The following ARHGAP6 variants were observed in gnomAD, a reference collection of about 807,000 sequenced individuals.
The protein encoded by ARHGAP6 is Rho GTPase activating protein 6, also known as rho GTPase-activating protein 6.
Under a neutral mutation model 55.7 loss-of-function variants are expected in ARHGAP6, and 16 were observed. The ratio of observed to expected loss-of-function variants is 0.29; its 90% confidence interval spans 0.19 to 0.44. The LOEUF (loss-of-function observed/expected upper bound fraction) is 0.44. ARHGAP6 is among the 20% of genes least tolerant of loss of function. The pLI is 1.00. For synonymous variants in ARHGAP6, 382 were observed against 360.9 expected, an observed-to-expected ratio of 1.06 and a Z score of -0.66; for missense variants, 698 against 808.9, an observed-to-expected ratio of 0.86 and a Z score of 1.66.
chrX:11,516,868 C>T (rs955042634), intron 1 of ARHGAP6, among the ~76,000 whole-genome samples: 1 of 111,753 alleles, frequency 8.9e-6, no homozygotes, highest in Admixed American at 9.6e-5. Context: ...TCTGTCATCT[C>T]CACACTTCCT....
At chrX:11,175,068 CT>C (rs2046193517) in intron 8 of ARHGAP6, among the ~76,000 whole-genome samples, 1 of 111,490 alleles carries the variant, frequency 9.0e-6, no homozygotes, top group East Asian at 2.8e-4. Context: ...CAAAAGCCTC[CT>C]AACTCACTCT....
chrX:11,582,963 A>G (rs1470265717), intron 1 of ARHGAP6, among the ~76,000 whole-genome samples: 1 of 112,268 alleles, frequency 8.9e-6, no homozygotes, highest in East Asian at 2.8e-4. Flanking sequence ...GAAACAAAAA[A>G]TAAATCATAG....
chrX:11,290,875 G>A (rs1319512630), intron 1 of ARHGAP6, among the ~76,000 whole-genome samples: 1 of 111,823 alleles, frequency 8.9e-6, no homozygotes. Context: ...GCCCTCCCAG[G>A]CCAGCCCCAC....
intron 1 of ARHGAP6, among the ~76,000 whole-genome samples, chrX:11,638,266 G>A (rs1489766115): frequency 8.9e-6 from 1 of 112,014 alleles, no homozygotes. Context: ...AAAGAACAAG[G>A]GTAACGCTGA....
chrX:11,584,420 C>G (rs750969648), intron 1 of ARHGAP6, among the ~76,000 whole-genome samples: 1 of 111,654 alleles, frequency 9.0e-6, no homozygotes, highest in Non-Finnish European at 1.9e-5. Context: ...TGTTTGATTA[C>G]TCAGATCTAA....
At chrX:11,153,483 C>T (rs1482882731) in intron 10 of ARHGAP6, among the ~76,000 whole-genome samples, 1 of 97,932 alleles carries the variant, frequency 1.0e-5, no homozygotes, top group Non-Finnish European at 2.0e-5. Context: ...CGAGATTGTG[C>T]CACTGTACTC....
intron 1 of ARHGAP6, among the ~76,000 whole-genome samples, chrX:11,563,906 T>C (rs1174126371): frequency 9.0e-6 from 1 of 111,728 alleles, no homozygotes; most frequent in East Asian, 2.8e-4. Flanking sequence ...CCGAGTATTC[T>C]TAGTTTTGAC....
At chrX:11,322,956 C>T (rs1159097448) in intron 1 of ARHGAP6, among the ~76,000 whole-genome samples, 1 of 112,140 alleles carries the variant, frequency 8.9e-6, no homozygotes, top group Admixed American at 9.5e-5. Flanking sequence ...GGAAAACAAT[C>T]TGTTTCTGCT....
At chrX:11,547,632 C>A (rs945793812) in intron 1 of ARHGAP6, among the ~76,000 whole-genome samples, 4 of 111,812 alleles carry the variant, frequency 3.6e-5, no homozygotes, top group African/African-American at 1.3e-4. Context: ...ATTTCTATTT[C>A]TGTGCTCCTC....
chrX:11,460,687 G>C (rs1024184488), intron 1 of ARHGAP6, among the ~76,000 whole-genome samples: 3 of 111,774 alleles, frequency 2.7e-5, no homozygotes, highest in African/African-American at 9.8e-5. Context: ...TCCCTTGGTT[G>C]GACCTAATTA....
intron 2 of ARHGAP6, among the ~76,000 whole-genome samples, chrX:11,248,809 A>C (rs751369888): frequency 2.9e-4 from 32 of 112,024 alleles, no homozygotes; most frequent in Non-Finnish European, 5.5e-4. Context: ...ACACTTCTAC[A>C]CTGCTGGTGG....
At chrX:11,275,593 A>C (rs938212105) in intron 1 of ARHGAP6, among the ~76,000 whole-genome samples, 1 of 111,577 alleles carries the variant, frequency 9.0e-6, no homozygotes, top group African/African-American at 3.3e-5. Flanking sequence ...CTCTCCCTAC[A>C]AAGCAAAACT....
chrX:11,505,852 A>G (rs144095264), intron 1 of ARHGAP6, among the ~76,000 whole-genome samples: 2,663 of 111,136 alleles, frequency 0.024, 32 homozygotes, highest in Middle Eastern at 0.046. Flanking sequence ...AAATGATGAG[A>G]ACTCATGGAG....
chrX:11,250,082 T>C (rs1258022433), intron 2 of ARHGAP6, among the ~76,000 whole-genome samples: 1 of 112,196 alleles, frequency 8.9e-6, no homozygotes, highest in African/African-American at 3.2e-5. Flanking sequence ...ATATGTATTT[T>C]GGTTCATTTT....
intron 1 of ARHGAP6, among the ~76,000 whole-genome samples, chrX:11,311,935 T>C (rs1387286471): frequency 9.0e-6 from 1 of 111,703 alleles, no homozygotes; most frequent in Non-Finnish European, 1.9e-5. Flanking sequence ...TACTCAGGTT[T>C]GCAAATTTCT....
chrX:11,305,688 T>C (rs1211521599), intron 1 of ARHGAP6, among the ~76,000 whole-genome samples: 1 of 112,042 alleles, frequency 8.9e-6, no homozygotes, highest in Non-Finnish European at 1.9e-5. Context: ...TAAGTTCTGT[T>C]CTGAGATTTG....
intron 1 of ARHGAP6, among the ~76,000 whole-genome samples, chrX:11,287,188 C>T (rs1316900011): frequency 8.9e-6 from 1 of 112,280 alleles, no homozygotes; most frequent in Non-Finnish European, 1.9e-5. Flanking sequence ...GTAGGTTTCT[C>T]TGGAGAATAT....
chrX:11,534,071 A>G (rs1248330561), intron 1 of ARHGAP6, among the ~76,000 whole-genome samples: 1 of 111,490 alleles, frequency 9.0e-6, no homozygotes, highest in Non-Finnish European at 1.9e-5. Context: ...GTAGGCCCTT[A>G]CAATGGAAAG....
At chrX:11,319,633 C>T (rs1046741683) in intron 1 of ARHGAP6, among the ~76,000 whole-genome samples, 3 of 112,311 alleles carry the variant, frequency 2.7e-5, no homozygotes, top group South Asian at 7.3e-4. Flanking sequence ...TTAAATACTA[C>T]ACAAAATAGA....
Sources: gnomAD v4.1 joint callset for allele counts (sites outside exome capture counted in the v4.1 genomes callset) on GRCh38, gnomAD v4.1.1 for gene constraint, MANE v1.5 for transcripts, NCBI Gene and HGNC (gene_info 2026-07-23, HGNC 2026-07-21) for gene names.